The following COL3A1 variants were observed in gnomAD, a reference collection of about 807,000 sequenced individuals.
COL3A1 encodes collagen alpha-1(III) chain.
COL3A1 carries 46 observed loss-of-function variants against 200.9 expected under a neutral mutation model. That is an observed-to-expected ratio of 0.23 (90% CI 0.18 to 0.29). The LOEUF is 0.29. Ranked by LOEUF, COL3A1 falls within the 10% of genes least tolerant of loss-of-function variation. The probability of loss-of-function intolerance (pLI) is 1.00; values close to 1 mark genes in which losing one functional copy is unlikely to be tolerated. For missense variants in COL3A1, 1,367 were observed against 1,917.6 expected (o/e 0.71, Z 5.36); for synonymous variants, 650 against 628.0 (o/e 1.03, Z -0.52).
chr2:189,003,798 G>T lies in COL3A1; in HGVS notation c.2661+11G>T. The T allele has an allele frequency of 6.2e-7, 1 of 1,613,892 alleles. No homozygotes were observed. The highest frequency in any genetic ancestry group is 1.1e-5 in the South Asian group (1 of 91,082). On this transcript the variant is annotated intron_variant, in intron 38 of 50. Transcript: ENST00000304636. ...CCTCCTGGTAGTAATGTAAGTAATT[G>T]TTAAAGTCTTTTCTCATCATACACT...
rs2203601 is a variant in COL3A1 at position 188,990,948 on chromosome 2, T to A, written c.799-56T>A. 0.43 allele frequency: 657,782 copies of A among 1,531,756 alleles called. 148,498 individuals carry two copies. The highest frequency in any genetic ancestry group is 0.58 in the East Asian group (25,913 of 44,338). 94.9% of individuals were successfully genotyped at this position (1,531,756 alleles called of 1,614,324 possible). A position where few individuals can be genotyped will look rare whatever the true frequency, so the allele number is the denominator to read the frequency against. ...AAAAATACCATGTAAACTTTATCAA[T>A]CATTCTAGATTATTAACAGATTTTA... On this transcript the variant is annotated intron_variant, in intron 10 of 50. Transcript: ENST00000304636.
In COL3A1 at chr2:188,996,111, C is replaced by G. The variant is rs1243909889; in HGVS notation, c.1609-14C>G. On this transcript the variant is annotated splice_polypyrimidine_tract_variant and intron_variant, in intron 22 of 50. Coordinates refer to ENST00000304636, the MANE Select transcript of COL3A1 (RefSeq NM_000090.4). Reference sequence around the variant, plus strand: ...TCATTTTAAATCACCTAACAACTGACTTCTTTACTTCAGGGCATGCCCGGA... The same window carrying G: ...TCATTTTAAATCACCTAACAACTGAGTTCTTTACTTCAGGGCATGCCCGGA... 6.2e-7 allele frequency: 1 copy of G among 1,612,934 alleles called. No homozygotes were observed. The highest frequency in any genetic ancestry group is 8.5e-7 in the Non-Finnish European group (1 of 1,179,236).
Position 188,995,780 on chromosome 2 carries a change from C to A in COL3A1, c.1598C>A (p.Pro533Gln). 1 of 1,560,338 alleles carries A rather than the reference C, an allele frequency of 6.4e-7. No homozygotes were observed. Among genetic ancestry groups the A allele is most frequent in the African/African-American group, 1.4e-5 (1 of 73,506 alleles). The change falls in exon 22 of 51, where the codon CCA (proline) becomes CAA (glutamine). Residue 533 changes from proline (P) to glutamine (Q), a missense_variant. Pro to Gln is a moderately conservative substitution (Grantham distance 76). This residue lies in a region of COL3A1 where 462 missense variants were observed against 681.4 expected (regional missense o/e 0.68). Coordinates refer to ENST00000304636, the MANE Select transcript of COL3A1 (RefSeq NM_000090.4). ...GGCAGAGATGGCGTCCCTGGAGGTC[C>A]AGGAATGAGGGTACAGAGAAACATT... ...EPGRDGVPGG[P>Q]GMRGMPGSPG...
intron 5 of COL3A1, 43 bp downstream of exon 5, chr2:188,987,182 T>C (rs1380125533): frequency 1.3e-6 from 2 of 1,513,762 alleles, no homozygotes; most frequent in Non-Finnish European, 1.8e-6. Context: ...TTTATTATCT[T>C]TCTGGTTTGT....
intron 8 of COL3A1, 64 bp from the exon 9 acceptor site, chr2:188,990,032 C>T: frequency 1.4e-6 from 2 of 1,455,446 alleles, no homozygotes; most frequent in Non-Finnish European, 1.9e-6. Flanking sequence ...AACCATTTTG[C>T]TTATTGGCTA....
In COL3A1 at chr2:188,997,393, A is replaced by G. The variant is rs1484323273; in HGVS notation, c.1869+4A>G. ...TCAGGGACCCCCAGGGCCTACTGTAAGTTCACTCATATAAAATTGGAGATG... is the reference window on the plus strand; with the variant it reads ...TCAGGGACCCCCAGGGCCTACTGTAGGTTCACTCATATAAAATTGGAGATG... On this transcript the variant is annotated splice_donor_region_variant and intron_variant, in intron 26 of 50. Transcript: ENST00000304636. 3.1e-6 allele frequency: 5 copies of G among 1,613,322 alleles called. No homozygotes were observed. The African/African-American group carries it at 5.3e-5, about 17-fold the overall frequency.
chr2:188,996,051 C>A, intron 22 of COL3A1, 74 bp from the exon 23 acceptor site: 1 of 1,406,680 alleles, frequency 7.1e-7, no homozygotes, highest in South Asian at 1.2e-5. Flanking sequence ...ATATCAAAAT[C>A]ATACAAATAG....
At chr2:188,981,202 T>C (rs1264405680) in intron 1 of COL3A1, among the ~76,000 whole-genome samples, 3 of 151,530 alleles carry the variant, frequency 2.0e-5, no homozygotes, top group Admixed American at 1.3e-4. Flanking sequence ...AATATAAAAT[T>C]ATGTTATTTG....
chr2:188,976,554 GA>G (rs1426295246), intron 1 of COL3A1, among the ~76,000 whole-genome samples: 1 of 152,018 alleles, frequency 6.6e-6, no homozygotes, highest in Non-Finnish European at 1.5e-5. Context: ...ATAAGCTTTG[GA>G]AAAGTTACAG....
chr2:188,987,327 C>G (rs980074966), intron 5 of COL3A1, among the ~76,000 whole-genome samples, 188 bp downstream of exon 5: 1 of 150,868 alleles, frequency 6.6e-6, no homozygotes, highest in Non-Finnish European at 1.5e-5. Flanking sequence ...ATTATTAAAC[C>G]TATTTTTAAT....
chr2:188,977,101 C>T (rs1024025943), intron 1 of COL3A1, among the ~76,000 whole-genome samples: 3 of 151,988 alleles, frequency 2.0e-5, no homozygotes, highest in Non-Finnish European at 4.4e-5. Context: ...TTAAATGTTA[C>T]GGCCACTTAA....
chr2:188,974,761 T>TTAA (rs1191134637), intron 1 of COL3A1, among the ~76,000 whole-genome samples, 193 bp downstream of exon 1: 15 of 152,318 alleles, frequency 9.8e-5, no homozygotes, highest in Admixed American at 9.2e-4. Context: ...TATGTGTGTT[T>TTAA]TTAAGAGTTC....
At chr2:188,996,642 TA>T in intron 24 of COL3A1, 146 bp downstream of exon 24, 1 of 689,684 alleles carries the variant, frequency 1.4e-6, no homozygotes. Flanking sequence ...GGAAGGGAGC[TA>T]AATATATAAT....
At position 188,974,524 on chromosome 2, in the gene COL3A1, T is replaced by G. The variant is rs2153500015; in HGVS notation, c.35T>G (p.Leu12Arg). The part of the protein sequence containing the change: ...MSFVQKGSWL[L>R]LALLHPTIIL... ...TTTGTGCAAAAGGGGAGCTGGCTAC[T>G]TCTCGCTCTGCTTCATCCCACTATT... The change falls in exon 1 of 51, where the codon CTT becomes CGT. Residue 12 changes from leucine (L) to arginine (R), a missense_variant. Physicochemically the swap from Leu to Arg is moderately radical, Grantham distance 102. This residue lies in a region of COL3A1 where 55 missense variants were observed against 51.5 expected (regional missense o/e 1.07). Coordinates refer to ENST00000304636, the MANE Select transcript of COL3A1 (RefSeq NM_000090.4). The G allele has an allele frequency of 6.2e-7, 1 of 1,614,138 alleles. No homozygotes were observed. Among genetic ancestry groups the G allele is most frequent in the South Asian group, 1.1e-5 (1 of 91,084 alleles).
rs112545975 is a variant in COL3A1, at chr2:188,992,321, G to GTA, written c.996+103_996+104dup. On this transcript the variant is annotated intron_variant, in intron 14 of 50. Transcript: ENST00000304636. ...ATTTTATATATGTATATACTCTTAG[G>GTA]TATATATATATGCATATGTATATCT... The GTA allele has an allele frequency of 5.0e-3, 5,327 of 1,056,240 alleles. 194 individuals carry two copies. The African/African-American group carries it at 0.076, about 15-fold the overall frequency. The allele number at this position is 1,056,240 out of a possible 1,614,324, so 65.4% of individuals were successfully genotyped here. A position where few individuals can be genotyped will look rare whatever the true frequency, so the allele number is the denominator to read the frequency against.
At chr2:188,982,127 C>A (rs1687965356) in intron 1 of COL3A1, among the ~76,000 whole-genome samples, 4 of 151,422 alleles carry the variant, frequency 2.6e-5, no homozygotes, top group Admixed American at 2.6e-4. Context: ...CTGTCATGTG[C>A]AGGTGAGAAG....
intron 1 of COL3A1, among the ~76,000 whole-genome samples, chr2:188,979,370 G>A (rs1230410235): frequency 6.6e-6 from 1 of 151,884 alleles, no homozygotes; most frequent in Non-Finnish European, 1.5e-5. Context: ...GAATCATTTA[G>A]TAACTATATT....
In COL3A1 at chr2:188,994,864, C is replaced by T; in HGVS notation, c.1455+33C>T. The T allele has an allele frequency of 6.2e-6, 10 of 1,606,168 alleles. No homozygotes were observed. Among genetic ancestry groups the T allele is most frequent in the Non-Finnish European group, 8.5e-6 (10 of 1,173,970 alleles). On this transcript the variant is annotated intron_variant, in intron 20 of 50. Transcript: ENST00000304636. This position sits in a 1 kb window ranked among gnomAD's most constrained non-coding sequence, Gnocchi z 4.5. Reference sequence around the variant, plus strand: ...TTCCATGGGGCATCTAAAAGAAAAGCAGCATCACTGTCATCTAAATAAAAC... The same window carrying T: ...TTCCATGGGGCATCTAAAAGAAAAGTAGCATCACTGTCATCTAAATAAAAC...
rs1688402908 is a variant in COL3A1 at position 188,999,396 on chromosome 2, C to T, written c.2121+13C>T. ...CGAAGGAGGAAAGGTAACTCCACAGCATTCCATTCACCTAGGTTTAAAAAA... is the reference window on the plus strand; with the variant it reads ...CGAAGGAGGAAAGGTAACTCCACAGTATTCCATTCACCTAGGTTTAAAAAA... On this transcript the variant is annotated intron_variant, in intron 30 of 50. Coordinates refer to ENST00000304636, the MANE Select transcript of COL3A1 (RefSeq NM_000090.4). 6.2e-7 allele frequency: 1 copy of T among 1,613,416 alleles called. No homozygotes were observed.
Sources: gnomAD v4.1 joint callset for allele counts (sites outside exome capture counted in the v4.1 genomes callset) on GRCh38, gnomAD v4.1.1 for gene constraint, gnomAD v4.1.1 regional missense constraint, Gnocchi (gnomAD v3.1) non-coding constraint, MANE v1.5 for transcripts, NCBI Gene and HGNC (gene_info 2026-07-23, HGNC 2026-07-21) for gene names.